Variants in TTC34 observed in about 807,000 individuals in gnomAD.
The protein encoded by TTC34 is tetratricopeptide repeat domain 34, also known as tetratricopeptide repeat protein 34.
A neutral mutation model predicts 40.7 loss-of-function variants in TTC34; 44 were observed. The ratio of observed to expected loss-of-function variants is 1.08; its 90% confidence interval spans 0.85 to 1.39. The LOEUF is 1.39. Among genes scored for constraint, TTC34 ranks in the 40% most tolerant of loss-of-function variants. The pLI is 0.00. For synonymous variants in TTC34, 422 were observed against 398.6 expected (o/e 1.06, Z -0.70); for missense variants, 884 against 838.0 (o/e 1.05, Z -0.68).
At chr1:2,772,631 T>G (rs1224918423) in intron 6 of TTC34, among the ~76,000 whole-genome samples, 15 of 360 alleles carry the variant, frequency 0.042, no homozygotes, top group African/African-American at 0.06. Flanking sequence ...GCATCGGACA[T>G]CGTGGAACAG....
chr1:2,690,658 AC>A (rs1640576472), intron 6 of TTC34, among the ~76,000 whole-genome samples: 1 of 138,232 alleles, frequency 7.2e-6, no homozygotes, highest in Non-Finnish European at 1.6e-5. Flanking sequence ...CAGCACCCAC[AC>A]CCCCAGGTGA....
At chr1:2,750,637 C>T (rs1641286909) in intron 6 of TTC34, among the ~76,000 whole-genome samples, 2 of 151,134 alleles carry the variant, frequency 1.3e-5, no homozygotes, top group African/African-American at 2.4e-5. Context: ...CCTGGAGCAG[C>T]ACCCACACCC....
chr1:2,785,957 G>A (rs1159718192), exon 5 of TTC34: 2 of 1,518,554 alleles, frequency 1.3e-6, no homozygotes, highest in Non-Finnish European at 1.8e-6. Context: ...CGGTCCTCGT[G>A]GCAGAAGACG....
chr1:2,780,047 G>A (rs1643456722), intron 6 of TTC34, among the ~76,000 whole-genome samples: 1 of 152,198 alleles, frequency 6.6e-6, no homozygotes, highest in Non-Finnish European at 1.5e-5. Context: ...CCCGGAAGCG[G>A]AAGTTGCAGT....
chr1:2,752,856 C>T (rs1416090404), intron 6 of TTC34, among the ~76,000 whole-genome samples: 1 of 146,580 alleles, frequency 6.8e-6, no homozygotes, highest in African/African-American at 2.5e-5. Context: ...CACCCACACA[C>T]CCAGGCGAGC....
chr1:2,654,087 C>T (rs376302802), intron 6 of TTC34, among the ~76,000 whole-genome samples: 1 of 9,740 alleles, frequency 1.0e-4, no homozygotes, highest in African/African-American at 1.9e-4. Flanking sequence ...GCAGCACCCA[C>T]AGCCCAAGGT....
rs1319147119 is a variant in TTC34 at position 2,753,377 on chromosome 1, C to G, written c.2226+30232G>C. ...GACAGCCTAGAACAGCACCCACACC[C>G]CCAGGCGAGCATCTGACAGCATGTA... is the stretch of plus-strand genomic sequence containing the variant. On this transcript the variant is annotated intron_variant, in intron 6 of 8. Transcript: ENST00000401095. Among the ~76,000 whole-genome samples, 47 of 129,292 alleles carry G rather than the reference C, an allele frequency of 3.6e-4. 5 individuals carry two copies. The highest frequency in any genetic ancestry group is 1.3e-3 in the African/African-American group (41 of 30,972). 84.8% of individuals were successfully genotyped at this position (129,292 alleles called of 152,430 possible).
exon 2 of TTC34, chr1:2,800,318 G>C (rs1362728113): frequency 7.5e-6 from 3 of 398,478 alleles, no homozygotes; most frequent in Admixed American, 4.4e-5. Context: ...CTACCGTCCG[G>C]TCGGCGCTGG....
At chr1:2,641,942 A>C (rs901465820) in intron 8 of TTC34, 47 bp from the exon 9 acceptor site, 82 of 1,432,892 alleles carry the variant, frequency 5.7e-5, no homozygotes, top group Non-Finnish European at 7.4e-5. Flanking sequence ...GGTCAGCCCC[A>C]AAAGCCCGGC....
chr1:2,644,363 C>T, exon 8 of TTC34: 2 of 1,536,022 alleles, frequency 1.3e-6, no homozygotes, highest in Non-Finnish European at 1.7e-6. Context: ...CCCTTGCAGC[C>T]CCTGGCACGT....
intron 6 of TTC34, among the ~76,000 whole-genome samples, chr1:2,773,275 ACAGC>A: frequency 8.5e-6 from 1 of 117,166 alleles, no homozygotes. Flanking sequence ...TGAGCATCTG[ACAGC>A]CTGGGGCGGC....
chr1:2,682,209 AC>A (rs1640113981), intron 6 of TTC34, among the ~76,000 whole-genome samples: 1 of 105,688 alleles, frequency 9.5e-6, no homozygotes, highest in East Asian at 3.2e-4. Flanking sequence ...GCATCCGATA[AC>A]CTGGAGCAGC....
chr1:2,759,109 A>C, intron 6 of TTC34, among the ~76,000 whole-genome samples: 1 of 92,610 alleles, frequency 1.1e-5, no homozygotes, highest in Non-Finnish European at 2.0e-5. Flanking sequence ...CTGGAACAGC[A>C]CCCACACGCT....
intron 6 of TTC34, among the ~76,000 whole-genome samples, chr1:2,651,476 A>G (rs369349508): frequency 1.3e-5 from 2 of 151,922 alleles, no homozygotes; most frequent in African/African-American, 4.8e-5. Flanking sequence ...GCCACCCCAC[A>G]CACCCAGGTG....
chr1:2,681,686 C>T (rs1433971511), intron 6 of TTC34, among the ~76,000 whole-genome samples: 1 of 97,268 alleles, frequency 1.0e-5, no homozygotes, highest in African/African-American at 3.2e-5. Context: ...CATTTGACAG[C>T]CTGGAACAGC....
chr1:2,777,688 T>G (rs1468930851), intron 6 of TTC34, among the ~76,000 whole-genome samples: 265 of 120,680 alleles, frequency 2.2e-3, no homozygotes, highest in Non-Finnish European at 2.4e-3. Context: ...GCAGAGGGCA[T>G]GGGGGGGGGG....
chr1:2,749,520 AGATT>A (rs1641248835), intron 6 of TTC34, among the ~76,000 whole-genome samples: 4 of 67,454 alleles, frequency 5.9e-5, no homozygotes, highest in Non-Finnish European at 7.6e-5. Context: ...AGCAGCACCC[AGATT>A]CCCAGGCAAG....
At chr1:2,684,353 C>A (rs1325674866) in intron 6 of TTC34, among the ~76,000 whole-genome samples, 17 of 151,856 alleles carry the variant, frequency 1.1e-4, no homozygotes, top group African/African-American at 3.6e-4. Context: ...GCAGCACCCA[C>A]ACCCACAGGT....
chr1:2,647,283 G>T (rs889731480), intron 6 of TTC34, among the ~76,000 whole-genome samples: 16 of 152,176 alleles, frequency 1.1e-4, no homozygotes, highest in Admixed American at 9.2e-4. Context: ...GCCTGAAATT[G>T]TCCCACCGGT....
Sources: gnomAD v4.1 joint callset for allele counts (sites outside exome capture counted in the v4.1 genomes callset) on GRCh38, gnomAD v4.1.1 for gene constraint, MANE v1.5 for transcripts, NCBI Gene and HGNC (gene_info 2026-07-23, HGNC 2026-07-21) for gene names.